KLHL10: variants seen among roughly 807,000 people sequenced by gnomAD.
KLHL10 encodes kelch like family member 10.
In KLHL10, 11 loss-of-function variants were observed where a neutral mutation model predicts 46.6. The ratio of observed to expected loss-of-function variants is 0.24; its 90% CI spans 0.15 to 0.39. The LOEUF (loss-of-function observed/expected upper bound fraction) is 0.39. Among genes scored for constraint, KLHL10 ranks in the 10% least tolerant of loss-of-function variants. KLHL10 has a pLI of 1.00. For synonymous variants in KLHL10, 254 were observed against 279.1 expected, an observed-to-expected ratio of 0.91 and a Z score of 0.90; for missense variants, 475 against 789.8, an observed-to-expected ratio of 0.60 and a Z score of 4.78.
At chr17:41,846,573 C>A (rs1468092105) in intron 3 of KLHL10, among the ~76,000 whole-genome samples, 1 of 151,448 alleles carries the variant, frequency 6.6e-6, no homozygotes, top group Non-Finnish European at 1.5e-5. Flanking sequence ...GTGGCAGAGC[C>A]CAGTGTCTTG....
rs1243215842 is a variant in KLHL10 at position 41,838,112 on chromosome 17, C to T, written c.180C>T (p.Cys60=). Residue 60 remains cysteine (C), a synonymous_variant, in exon 1 of 5, where the codon TGC becomes TGT. Transcript: ENST00000293303. ...CCCATAAGAACATCCTCTGTAGCTGCAGTTCCTACTTTAGGTATAACAGGG... is the reference window on the plus strand; with the variant it reads ...CCCATAAGAACATCCTCTGTAGCTGTAGTTCCTACTTTAGGTATAACAGGG... ...FSAHKNILCS[C]SSYFRALFTS... is the part of the protein sequence containing the mutation. 1.9e-6 allele frequency: 3 copies of T among 1,614,044 alleles called. No individual in the cohort carries two copies. The highest frequency in any genetic ancestry group is 2.5e-6 in the Non-Finnish European group (3 of 1,179,952).
At chr17:41,842,459 T>G (rs2048236110) in intron 2 of KLHL10, 147 bp downstream of exon 2, 1 of 955,632 alleles carries the variant, frequency 1.0e-6, no homozygotes, top group Non-Finnish European at 1.6e-6. Context: ...GTCTTTTCCC[T>G]TGGCATTACT....
chr17:41,837,853 C>T lies in KLHL10; in HGVS notation c.-80C>T, dbSNP rs371974508. The T allele has an allele frequency of 4.7e-5, 75 of 1,600,538 alleles. No homozygotes were observed. The African/African-American group carries it at 7.0e-4, about 15-fold the overall frequency. On this transcript the variant is annotated 5_prime_UTR_variant, in exon 1 of 5. Coordinates refer to ENST00000293303, the MANE Select transcript of KLHL10 (RefSeq NM_152467.5). ...CAAAAGATGTAGTAGGGAAAAGGAG[C>T]GACAGCTGGCTAAAGGGGCCCCCCA...
chr17:41,846,987 C>T (rs1012851292), intron 3 of KLHL10, among the ~76,000 whole-genome samples: 7 of 152,062 alleles, frequency 4.6e-5, no homozygotes, highest in African/African-American at 1.7e-4. Context: ...TGGCAGTGTG[C>T]GCCTGTAGTC....
At chr17:41,842,868 C>T (rs983532278) in intron 2 of KLHL10, among the ~76,000 whole-genome samples, 4 of 150,742 alleles carry the variant, frequency 2.7e-5, no homozygotes, top group African/African-American at 9.8e-5. Flanking sequence ...ACCTAGGAGG[C>T]GGAGGTTGCA....
chr17:41,839,378 G>A (rs2048204425), intron 1 of KLHL10, among the ~76,000 whole-genome samples: 1 of 152,144 alleles, frequency 6.6e-6, no homozygotes, highest in African/African-American at 2.4e-5. Context: ...CCAACCTTTG[G>A]GAAGGTTGGA....
chr17:41,844,901 T>C (rs1555621125), intron 2 of KLHL10, among the ~76,000 whole-genome samples: 1 of 152,070 alleles, frequency 6.6e-6, no homozygotes, highest in Non-Finnish European at 1.5e-5. Context: ...GCCAGGCTGG[T>C]CTCAAACTCC....
At chr17:41,836,208 G>C (rs868923801), upstream of KLHL10, 14 of 1,243,068 alleles carry the variant, frequency 1.1e-5, no homozygotes, top group Middle Eastern at 2.8e-4. Flanking sequence ...TTCGAGGCCT[G>C]GTCGGCGGCT....
At position 41,842,176 on chromosome 17, in the gene KLHL10, T is replaced by C; in HGVS notation, c.548T>C (p.Val183Ala). The C allele has an allele frequency of 2.5e-6, 4 of 1,614,174 alleles. No homozygotes were observed. Among genetic ancestry groups the C allele is most frequent in the Non-Finnish European group, 3.4e-6 (4 of 1,180,034 alleles). Residue 183 changes from valine (V) to alanine (A), a missense_variant, in exon 2 of 5, where the codon GTC becomes GCC. Coordinates refer to ENST00000293303, the MANE Select transcript of KLHL10 (RefSeq NM_152467.5). ...TCGGCAGAATTTTTAGAGCTCTCGG[T>C]CACTGAACTTAAGGATATCATTGAG... is the stretch of plus-strand genomic sequence containing the variant. ...KVSAEFLELS[V>A]TELKDIIEKD... is the part of the protein sequence containing the mutation.
At chr17:41,846,323 C>A (rs573335687) in intron 3 of KLHL10, among the ~76,000 whole-genome samples, 1 of 151,862 alleles carries the variant, frequency 6.6e-6, no homozygotes, top group Non-Finnish European at 1.5e-5. Flanking sequence ...GAGATTGAGA[C>A]CATCCTGGCT....
rs782770691 is a variant in KLHL10, at chr17:41,847,384, A to T, written c.1426A>T (p.Ile476Phe). 2.5e-6 allele frequency: 4 copies of T among 1,613,978 alleles called. No individual in the cohort carries two copies. The highest frequency in any genetic ancestry group is 3.4e-6 in the Non-Finnish European group (4 of 1,179,994). ...MRSRRSGIGV[I>F]AYGEHVYAVG... ...AAGCAGGAGGAGTGGAATAGGCGTG[A>T]TTGCTTATGGAGAACATGTATATGC... The change falls in exon 4 of 5, where the codon ATT (isoleucine) becomes TTT (phenylalanine). Residue 476 changes from isoleucine to phenylalanine, a missense_variant. By Grantham distance (21) the Ile-to-Phe change is conservative. Transcript: ENST00000293303.
intron 2 of KLHL10, among the ~76,000 whole-genome samples, chr17:41,843,806 G>A (rs1234451692): frequency 2.0e-5 from 3 of 152,058 alleles, no homozygotes; most frequent in Non-Finnish European, 4.4e-5. Flanking sequence ...CTGTTGCCCA[G>A]GCTGGAGTGC....
rs782053639 is a variant in KLHL10, at chr17:41,837,946, G to C, written c.14G>C (p.Ser5Thr). Reference sequence around the variant, plus strand: ...TCCCAGGGTGCCATGGAGATGGAGAGCGCGGCGGCCTCCACACGTTTCCAC... The same window carrying C: ...TCCCAGGGTGCCATGGAGATGGAGACCGCGGCGGCCTCCACACGTTTCCAC... MEME[S>T]AAASTRFHQP... The change falls in exon 1 of 5, where the codon AGC becomes ACC. Residue 5 changes from serine to threonine, a missense_variant. Coordinates refer to ENST00000293303, the MANE Select transcript of KLHL10 (RefSeq NM_152467.5). 25 of 1,613,894 alleles carry C rather than the reference G, an allele frequency of 1.5e-5. No homozygotes were observed. The highest frequency in any genetic ancestry group is 1.7e-4 in the Middle Eastern group (1 of 5,838).
upstream of KLHL10, chr17:41,836,268 G>A: frequency 8.5e-7 from 1 of 1,179,992 alleles, no homozygotes; most frequent in Non-Finnish European, 1.0e-6. Flanking sequence ...GTCGCCTCCC[G>A]CCTGGAGCCC....
upstream of KLHL10, chr17:41,836,112 G>C (rs1017413116): frequency 1.5e-6 from 2 of 1,333,380 alleles, no homozygotes; most frequent in African/African-American, 1.5e-5. Context: ...GTGACCAGCT[G>C]GGGGGCTCGA....
chr17:41,842,857 A>T (rs1291342175), intron 2 of KLHL10, among the ~76,000 whole-genome samples: 1 of 151,950 alleles, frequency 6.6e-6, no homozygotes, highest in African/African-American at 2.4e-5. Flanking sequence ...GAATCGCTTG[A>T]ACCTAGGAGG....
chr17:41,842,056 GC>G lies in KLHL10; in HGVS notation c.429del (p.Ile144SerfsTer13), dbSNP rs1181725122. ...GAGCTGTGCTTGGATAATTGTATCG[GC>G]ATCTGTAAGTTCACGGACTACTACT... Reference protein sequence around the residue: ...KSELCLDNCIGICKFTDYYYC... With the variant: ...KSELCLDNCIXICKFTDYYYC... On this transcript the variant is annotated frameshift_variant, in exon 2 of 5. Coordinates refer to ENST00000293303, the MANE Select transcript of KLHL10 (RefSeq NM_152467.5). LOFTEE classifies it high-confidence loss of function. 6.2e-7 allele frequency: 1 copy of G among 1,614,092 alleles called. No homozygotes were observed. The highest frequency in any genetic ancestry group is 8.5e-7 in the Non-Finnish European group (1 of 1,180,034).
rs564904298 is a variant in KLHL10, at chr17:41,842,264, T to C, written c.636T>C (p.Ser212=). 4 of 1,614,160 alleles carry C rather than the reference T, an allele frequency of 2.5e-6. No homozygotes were observed. In the African/African-American group the frequency reaches 4.0e-5, roughly 16 times the overall value. Residue 212 remains serine (S), a synonymous_variant, in exon 2 of 5, where the codon TCT becomes TCC. Coordinates refer to ENST00000293303, the MANE Select transcript of KLHL10 (RefSeq NM_152467.5). ...AVFEAILKWI[S]HDPQNRKQHI... Reference sequence around the variant, plus strand: ...TTGAGGCCATTTTAAAGTGGATTTCTCATGACCCCCAAAATAGAAAGCAGC... The same window carrying C: ...TTGAGGCCATTTTAAAGTGGATTTCCCATGACCCCCAAAATAGAAAGCAGC...
At chr17:41,835,855 G>A, upstream of KLHL10, 1 of 1,606,578 alleles carries the variant, frequency 6.2e-7, no homozygotes, top group Non-Finnish European at 8.5e-7. Context: ...CGCCCCAGAG[G>A]TACCTGTAAC....
Sources: allele counts gnomAD v4.1 joint callset (sites outside exome capture counted in the v4.1 genomes callset), GRCh38; gene constraint gnomAD v4.1.1; transcripts MANE v1.5; gene names NCBI Gene and HGNC (gene_info 2026-07-23, HGNC 2026-07-21).